ZNF804A: variants seen among roughly 807,000 people sequenced by gnomAD.
ZNF804A encodes zinc finger protein 804A.
Under a neutral mutation model 16.5 loss-of-function variants are expected in ZNF804A, and 2 were observed. That is an observed-to-expected ratio of 0.12 (90% CI 0.05 to 0.38). ZNF804A has a LOEUF of 0.38. ZNF804A is among the 10% of genes least tolerant of loss of function. The pLI is 0.99. For missense variants in ZNF804A, 1,473 were observed against 1,390.7 expected (o/e 1.06, Z -0.94); for synonymous variants, 534 against 489.6 (o/e 1.09, Z -1.20).
At chr2:184,610,220 G>T (rs1052244342) in intron 1 of ZNF804A, among the ~76,000 whole-genome samples, 6 of 152,216 alleles carry the variant, frequency 3.9e-5, no homozygotes, top group Non-Finnish European at 7.3e-5. Context: ...ACCAGATGCA[G>T]TCCAAACCCT....
intron 1 of ZNF804A, among the ~76,000 whole-genome samples, chr2:184,748,690 G>C (rs1327370002): frequency 6.6e-6 from 1 of 151,050 alleles, no homozygotes; most frequent in African/African-American, 2.4e-5. Context: ...TTATTTCCTA[G>C]ATTTTCTTCT....
intron 2 of ZNF804A, among the ~76,000 whole-genome samples, chr2:184,890,438 T>A (rs1394929667): frequency 6.6e-6 from 1 of 152,064 alleles, no homozygotes; most frequent in East Asian, 1.9e-4. Flanking sequence ...ACTGCAAAAG[T>A]GAAGTGAGTT....
chr2:184,793,303 C>T (rs999351666), intron 1 of ZNF804A, among the ~76,000 whole-genome samples: 5 of 152,080 alleles, frequency 3.3e-5, no homozygotes, highest in African/African-American at 1.2e-4. Flanking sequence ...AATGAGATTG[C>T]TGAGTCAAAC....
chr2:184,652,621 T>G (rs1351978513), intron 1 of ZNF804A, among the ~76,000 whole-genome samples: 1 of 152,176 alleles, frequency 6.6e-6, no homozygotes, highest in Non-Finnish European at 1.5e-5. Flanking sequence ...TTTTCTCTGT[T>G]AAGTTGCTTG....
intron 2 of ZNF804A, among the ~76,000 whole-genome samples, chr2:184,881,132 T>C (rs1217434087): frequency 6.6e-6 from 1 of 151,976 alleles, no homozygotes; most frequent in African/African-American, 2.4e-5. Context: ...ATCCCAAGTA[T>C]TAACAGCAGA....
intron 1 of ZNF804A, among the ~76,000 whole-genome samples, chr2:184,748,287 GT>G (rs139158659): frequency 0.25 from 36,192 of 146,854 alleles, 4,763 homozygotes; most frequent in African/African-American, 0.35. Flanking sequence ...ACTAACATCT[GT>G]TTTTTTTTTT....
chr2:184,933,571 C>A, intron 2 of ZNF804A, 32 bp from the exon 3 acceptor site: 1 of 1,564,028 alleles, frequency 6.4e-7, no homozygotes, highest in Non-Finnish European at 8.6e-7. Flanking sequence ...GACCAAAATA[C>A]AATTAATCAT....
intron 1 of ZNF804A, among the ~76,000 whole-genome samples, chr2:184,803,654 T>C (rs1468973952): frequency 6.6e-6 from 1 of 152,172 alleles, no homozygotes; most frequent in Non-Finnish European, 1.5e-5. Flanking sequence ...CACTACAATC[T>C]AAAAATACTA....
intron 1 of ZNF804A, among the ~76,000 whole-genome samples, chr2:184,638,293 A>G (rs1691735377): frequency 6.6e-6 from 1 of 152,174 alleles, no homozygotes; most frequent in Non-Finnish European, 1.5e-5. Flanking sequence ...GGGGCTTCAA[A>G]ATTCACATTT....
intron 1 of ZNF804A, among the ~76,000 whole-genome samples, chr2:184,807,366 A>G (rs1055078315): frequency 2.6e-5 from 4 of 151,886 alleles, no homozygotes; most frequent in Non-Finnish European, 5.9e-5. Context: ...TGAGTGAAAG[A>G]AAGAAATGAA....
At chr2:184,626,857 A>T (rs975150892) in intron 1 of ZNF804A, among the ~76,000 whole-genome samples, 14 of 152,182 alleles carry the variant, frequency 9.2e-5, no homozygotes, top group African/African-American at 2.9e-4. Flanking sequence ...AACAATTGGG[A>T]TGGGTATGAG....
intron 2 of ZNF804A, among the ~76,000 whole-genome samples, chr2:184,910,129 C>T (rs1206528892): frequency 6.6e-6 from 1 of 151,956 alleles, no homozygotes; most frequent in Admixed American, 6.6e-5. Context: ...TTTCTCAATC[C>T]TTTCTTCCCC....
In ZNF804A at chr2:184,924,756, T is replaced by G. The variant is rs555252259; in HGVS notation, c.256-8847T>G. The stretch of plus-strand genomic sequence containing the variant: ...TGTTACGTTTCCGTTATCATTTGAT[T>G]AAAGAAGTGTTTCAATTTCCTTCTT... On this transcript the variant is annotated intron_variant, in intron 2 of 3. Coordinates refer to ENST00000302277, the MANE Select transcript of ZNF804A (RefSeq NM_194250.2). Among the ~76,000 whole-genome samples, 5 of 152,050 alleles carry G rather than the reference T, an allele frequency of 3.3e-5. No individual in the cohort carries two copies. The East Asian group carries it at 9.7e-4, about 29-fold the overall frequency.
At chr2:184,609,890 A>T (rs933007644) in intron 1 of ZNF804A, among the ~76,000 whole-genome samples, 1 of 152,204 alleles carries the variant, frequency 6.6e-6, no homozygotes, top group Non-Finnish European at 1.5e-5. Context: ...GAAACACCTA[A>T]AGAATGAAAA....
chr2:184,617,106 T>G (rs572751219), intron 1 of ZNF804A, among the ~76,000 whole-genome samples: 2 of 152,130 alleles, frequency 1.3e-5, no homozygotes, highest in African/African-American at 4.8e-5. Flanking sequence ...GAAGATAAAT[T>G]AAAAAAACTT....
Position 184,937,424 on chromosome 2 carries a change from A to C in ZNF804A, c.2028A>C (p.Thr676=), listed in dbSNP as rs745326502. The change falls in exon 4 of 4, where the codon ACA becomes ACC. Residue 676 remains threonine (T), a synonymous_variant. Transcript: ENST00000302277. The part of the protein sequence containing the change: ...SLSDNEEMCK[T]WNTEYNTYDT... ...GTGACAATGAAGAAATGTGTAAAAC[A>C]TGGAATACTGAATACAACACTTATG... The C allele has an allele frequency of 6.2e-7, 1 of 1,612,694 alleles. No individual in the cohort carries two copies. Among genetic ancestry groups the C allele is most frequent in the Non-Finnish European group, 8.5e-7 (1 of 1,179,504 alleles).
At chr2:184,708,140 G>T (rs997626678) in intron 1 of ZNF804A, among the ~76,000 whole-genome samples, 1 of 151,834 alleles carries the variant, frequency 6.6e-6, no homozygotes, top group African/African-American at 2.4e-5. Flanking sequence ...TTTTTAAAAT[G>T]CTTGTTGATT....
At chr2:184,730,228 T>A (rs887464436) in intron 1 of ZNF804A, among the ~76,000 whole-genome samples, 5 of 152,150 alleles carry the variant, frequency 3.3e-5, no homozygotes, top group Non-Finnish European at 5.9e-5. Context: ...GTATTTTTTT[T>A]AGAATAGTTT....
intron 1 of ZNF804A, among the ~76,000 whole-genome samples, chr2:184,837,392 A>G (rs2105798427): frequency 6.6e-6 from 1 of 152,234 alleles, no homozygotes; most frequent in East Asian, 1.9e-4. Flanking sequence ...TAGTAACATT[A>G]GATATGATGG....
Sources: allele counts gnomAD v4.1 joint callset (sites outside exome capture counted in the v4.1 genomes callset), GRCh38; gene constraint gnomAD v4.1.1; transcripts MANE v1.5; gene names NCBI Gene and HGNC (gene_info 2026-07-23, HGNC 2026-07-21).